TEX10: variants seen among roughly 807,000 people sequenced by gnomAD.
TEX10 encodes testis expressed 10.
Under a neutral mutation model 104.4 loss-of-function variants are expected in TEX10, and 24 were observed. The ratio of observed to expected loss-of-function variants is 0.23; its 90% CI spans 0.17 to 0.32. The LOEUF is 0.32. Ranked by LOEUF, TEX10 falls within the 10% of genes least tolerant of loss-of-function variation. TEX10 has a pLI of 1.00. For missense variants in TEX10, 921 were observed against 1,083.9 expected, an observed-to-expected ratio of 0.85 and a Z score of 2.11; for synonymous variants, 396 against 393.4, an observed-to-expected ratio of 1.01 and a Z score of -0.08.
Position 100,315,936 on chromosome 9 carries a change from G to A in TEX10, c.2202+4329C>T, listed in dbSNP as rs945618777. On this transcript the variant is annotated intron_variant, in intron 11 of 14. Transcript: ENST00000374902. The stretch of plus-strand genomic sequence containing the variant: ...ACTGCTAGGCCTTCTGTATCTGGAC[G>A]TCTAAATCTCCTGGTAGGCTTGGAA... 2.0e-5 allele frequency among the ~76,000 whole-genome samples: 3 copies of A among 152,196 alleles called. No individual in the cohort carries two copies. The South Asian group carries it at 6.2e-4, about 32-fold the overall frequency.
intron 12 of TEX10, among the ~76,000 whole-genome samples, chr9:100,309,332 A>G (rs1284179678): frequency 6.6e-6 from 1 of 152,154 alleles, no homozygotes; most frequent in Non-Finnish European, 1.5e-5. Context: ...GTAACTGTAT[A>G]TATACATGGT....
intron 4 of TEX10, 74 bp downstream of exon 4, chr9:100,345,998 A>G (rs905977068): frequency 6.7e-7 from 1 of 1,494,068 alleles, no homozygotes; most frequent in Non-Finnish European, 9.0e-7. Context: ...AGTAGTAATG[A>G]GCTGATTTCG....
At chr9:100,302,378 C>A in intron 14 of TEX10, 74 bp from the exon 15 acceptor site, 1 of 1,021,010 alleles carries the variant, frequency 9.8e-7, no homozygotes, top group Non-Finnish European at 1.5e-6. Context: ...TTTTCACACC[C>A]AAACACAATT....
intron 5 of TEX10, 66 bp downstream of exon 5, chr9:100,340,191 T>A (rs1315554706): frequency 1.0e-6 from 1 of 976,650 alleles, no homozygotes; most frequent in Non-Finnish European, 1.5e-6. Context: ...TTAAGGTTAA[T>A]TACTTCCTGA....
intron 5 of TEX10, among the ~76,000 whole-genome samples, chr9:100,333,032 T>C (rs915100069): frequency 3.3e-5 from 5 of 151,786 alleles, no homozygotes; most frequent in Non-Finnish European, 5.9e-5. Flanking sequence ...TGAGACAGAG[T>C]GTTGCTCTGT....
intron 1 of TEX10, among the ~76,000 whole-genome samples, chr9:100,350,204 G>C (rs1210841324): frequency 6.6e-6 from 1 of 152,044 alleles, no homozygotes; most frequent in Admixed American, 6.6e-5. Flanking sequence ...TTTGATCTGT[G>C]TCTCTTACCC....
chr9:100,352,748 G>A (rs1835494223), intron 1 of TEX10, 24 bp downstream of exon 1: 1 of 1,165,520 alleles, frequency 8.6e-7, no homozygotes, highest in Admixed American at 5.0e-5. Flanking sequence ...GGAGGACCCG[G>A]CCCGACGGGC....
At position 100,349,371 on chromosome 9, in the gene TEX10, T is replaced by C. The variant is rs1835383109; in HGVS notation, c.-8A>G. On this transcript the variant is annotated splice_region_variant and 5_prime_UTR_variant, in exon 2 of 15. Coordinates refer to ENST00000374902, the MANE Select transcript of TEX10 (RefSeq NM_017746.4). Reference sequence around the variant, plus strand: ...TTTTCTTTTTTTAGTCATTCTCGACTACTATAATGAAAAGAATTAATTAAA... The same window carrying C: ...TTTTCTTTTTTTAGTCATTCTCGACCACTATAATGAAAAGAATTAATTAAA... The C allele has an allele frequency of 1.3e-6, 2 of 1,548,432 alleles. No homozygotes were observed. Among genetic ancestry groups the C allele is most frequent in the Non-Finnish European group, 1.7e-6 (2 of 1,152,412 alleles).
intron 13 of TEX10, 52 bp from the exon 14 acceptor site, chr9:100,303,894 G>A: frequency 1.9e-6 from 3 of 1,565,462 alleles, no homozygotes; most frequent in Non-Finnish European, 2.6e-6. Context: ...CACAGGAAAA[G>A]CCCCCCTTCT....
intron 3 of TEX10, 110 bp downstream of exon 3, chr9:100,346,584 A>T: frequency 8.3e-7 from 1 of 1,202,340 alleles, no homozygotes. Flanking sequence ...GAGTAACTAT[A>T]TGAAAACTAT....
chr9:100,343,154 A>C (rs796473632), intron 4 of TEX10, among the ~76,000 whole-genome samples: 3 of 151,934 alleles, frequency 2.0e-5, no homozygotes, highest in Admixed American at 6.6e-5. Context: ...AAATAAATAA[A>C]AATAAATAAA....
chr9:100,332,448 C>A (rs1834887103), intron 5 of TEX10, among the ~76,000 whole-genome samples: 1 of 152,144 alleles, frequency 6.6e-6, no homozygotes, highest in Admixed American at 6.5e-5. Context: ...ACTAAATATA[C>A]CAACCAACAA....
At chr9:100,329,412 T>A in intron 6 of TEX10, 137 bp from the exon 7 acceptor site, 1 of 916,064 alleles carries the variant, frequency 1.1e-6, no homozygotes, top group Non-Finnish European at 1.6e-6. Flanking sequence ...CAACTACCAT[T>A]GAAGTCCTAT....
chr9:100,342,699 C>A (rs1322220493), intron 4 of TEX10, among the ~76,000 whole-genome samples: 1 of 152,090 alleles, frequency 6.6e-6, no homozygotes, highest in Non-Finnish European at 1.5e-5. Context: ...ATGAGACACA[C>A]ACGTAGAGAA....
intron 13 of TEX10, 113 bp from the exon 14 acceptor site, chr9:100,303,955 A>G: frequency 9.7e-7 from 1 of 1,032,196 alleles, no homozygotes; most frequent in East Asian, 2.6e-5. Context: ...TTCCAATAAC[A>G]TTTAAACTGA....
intron 5 of TEX10, among the ~76,000 whole-genome samples, chr9:100,331,923 T>C (rs999641940): frequency 3.9e-5 from 6 of 152,206 alleles, no homozygotes; most frequent in African/African-American, 1.4e-4. Context: ...TATACAAATA[T>C]GTGAGTCTGA....
chr9:100,322,572 T>C (rs1834595613), intron 9 of TEX10, among the ~76,000 whole-genome samples: 1 of 152,134 alleles, frequency 6.6e-6, no homozygotes, highest in South Asian at 2.1e-4. Context: ...CTATAAGTAC[T>C]TAGTAATTTT....
intron 12 of TEX10, 22 bp downstream of exon 12, chr9:100,310,272 TAAGAG>T (rs1260084165): frequency 1.2e-6 from 2 of 1,600,022 alleles, no homozygotes; most frequent in Non-Finnish European, 1.7e-6. Flanking sequence ...TGTTCATTCT[TAAGAG>T]AAAAAGTTTA....
intron 5 of TEX10, among the ~76,000 whole-genome samples, chr9:100,330,682 T>C (rs1228106221): frequency 2.0e-5 from 3 of 152,268 alleles, no homozygotes; most frequent in Non-Finnish European, 4.4e-5. Flanking sequence ...TATCAGTTTA[T>C]TCACTCTAGC....
Sources: gnomAD v4.1 joint callset for allele counts (sites outside exome capture counted in the v4.1 genomes callset) on GRCh38, gnomAD v4.1.1 for gene constraint, MANE v1.5 for transcripts, NCBI Gene and HGNC (gene_info 2026-07-23, HGNC 2026-07-21) for gene names.